The following RAD21L1 variants were observed in gnomAD, a reference collection of about 807,000 sequenced individuals.
The protein encoded by RAD21L1 is RAD21 cohesin complex component like 1.
RAD21L1 carries 47 observed loss-of-function variants against 69.0 expected under a neutral mutation model. The ratio of observed to expected loss-of-function variants is 0.68; its 90% CI spans 0.54 to 0.87. RAD21L1 has a LOEUF of 0.87. Ranked by LOEUF, RAD21L1 falls within the 40% of genes least tolerant of loss-of-function variation. The pLI is 0.00. For missense variants in RAD21L1, 583 were observed against 647.6 expected (o/e 0.90, Z 1.08); for synonymous variants, 177 against 205.8 (o/e 0.86, Z 1.20).
At chr20:1,236,597 G>C (rs1392451206) in intron 5 of RAD21L1, among the ~76,000 whole-genome samples, 1 of 152,142 alleles carries the variant, frequency 6.6e-6, no homozygotes, top group Non-Finnish European at 1.5e-5. Context: ...TTTCTCTATT[G>C]ATTTCCTGTG....
At chr20:1,236,490 A>G (rs2087497274) in intron 5 of RAD21L1, among the ~76,000 whole-genome samples, 1 of 152,212 alleles carries the variant, frequency 6.6e-6, no homozygotes, top group South Asian at 2.1e-4. Flanking sequence ...AACAAATACA[A>G]TTTAGTTGTT....
At chr20:1,226,561 C>T (rs2087264692) in intron 1 of RAD21L1, among the ~76,000 whole-genome samples, 1 of 152,104 alleles carries the variant, frequency 6.6e-6, no homozygotes, top group South Asian at 2.1e-4. Context: ...CCTCTCTCCC[C>T]ACGCCCCTCT....
chr20:1,242,522 C>A, intron 8 of RAD21L1, 97 bp from the exon 9 acceptor site: 2 of 936,494 alleles, frequency 2.1e-6, no homozygotes, highest in Non-Finnish European at 1.7e-6. Context: ...CATGAGCCAC[C>A]GTGCCTGGCT....
intron 7 of RAD21L1, among the ~76,000 whole-genome samples, chr20:1,240,014 G>T (rs1007403955): frequency 6.6e-6 from 1 of 152,090 alleles, no homozygotes; most frequent in African/African-American, 2.4e-5. Context: ...TAGTCAAATT[G>T]TTATCAGTCA....
At chr20:1,251,172 G>A (rs2087822314) in intron 13 of RAD21L1, among the ~76,000 whole-genome samples, 1 of 152,154 alleles carries the variant, frequency 6.6e-6, no homozygotes, top group African/African-American at 2.4e-5. Context: ...GTCTCTAGAT[G>A]TAAGTTGAAA....
chr20:1,226,929 A>G (rs903105208), intron 1 of RAD21L1, among the ~76,000 whole-genome samples: 1 of 152,162 alleles, frequency 6.6e-6, no homozygotes. Flanking sequence ...GATTTTTTTG[A>G]GACGGAGTCG....
At chr20:1,245,622 A>T (rs550381323) in intron 11 of RAD21L1, among the ~76,000 whole-genome samples, 1 of 152,164 alleles carries the variant, frequency 6.6e-6, no homozygotes, top group East Asian at 1.9e-4. Flanking sequence ...AGGGAAGGAG[A>T]TGATAGGGAC....
intron 8 of RAD21L1, 77 bp from the exon 9 acceptor site, chr20:1,242,539 TTTC>T: frequency 1.8e-6 from 2 of 1,126,666 alleles, no homozygotes; most frequent in South Asian, 1.4e-5. Flanking sequence ...GGCTTAGAAA[TTTC>T]TTAAGTATTT....
chr20:1,237,945 G>A (rs936775368), intron 5 of RAD21L1, 99 bp from the exon 6 acceptor site: 21 of 577,276 alleles, frequency 3.6e-5, no homozygotes, highest in Non-Finnish European at 4.5e-5. Context: ...AAAATGAGGT[G>A]TTGGATGACA....
At chr20:1,242,886 TATAAATAAATA>T (rs908015272) in intron 9 of RAD21L1, 41 bp downstream of exon 9, 13 of 1,211,494 alleles carry the variant, frequency 1.1e-5, no homozygotes, top group Admixed American at 8.2e-5. Flanking sequence ...AATGTCTGGT[TATAAATAAATA>T]ATAAATAAAT....
intron 3 of RAD21L1, 30 bp from the exon 4 acceptor site, chr20:1,231,496 T>A (rs2087389964): frequency 9.0e-7 from 1 of 1,107,750 alleles, no homozygotes; most frequent in Non-Finnish European, 1.3e-6. Context: ...GCATTGTTGC[T>A]TATTGAGTAT....
chr20:1,241,334 T>C (rs1305640997), intron 8 of RAD21L1, among the ~76,000 whole-genome samples: 1 of 152,244 alleles, frequency 6.6e-6, no homozygotes, highest in African/African-American at 2.4e-5. Context: ...AGCATTTAAC[T>C]TCAAGCATCA....
intron 6 of RAD21L1, among the ~76,000 whole-genome samples, chr20:1,238,506 T>A (rs1206984902): frequency 6.6e-6 from 1 of 152,102 alleles, no homozygotes; most frequent in Non-Finnish European, 1.5e-5. Context: ...GTTAGTATAT[T>A]CCTTATAAAA....
At chr20:1,248,045 C>CAAAAAAA (rs71327497) in intron 12 of RAD21L1, among the ~76,000 whole-genome samples, 20 of 71,934 alleles carry the variant, frequency 2.8e-4, no homozygotes, top group African/African-American at 5.7e-4. Context: ...CCTTAAATAC[C>CAAAAAAA]AAAAAAAAAA....
At chr20:1,231,443 G>A (rs1456918320) in intron 3 of RAD21L1, 83 bp from the exon 4 acceptor site, 12 of 723,576 alleles carry the variant, frequency 1.7e-5, no homozygotes, top group South Asian at 1.2e-4. Context: ...CAGTAGTCCA[G>A]TAAAAGAATA....
rs1568517221 is a variant in RAD21L1 at position 1,234,140 on chromosome 20, ACT to A, written c.427_428del (p.Leu143Ter). ...TQNQSRPEEITLRENFDNDLI... is the reference protein window; with the variant it reads ...TQNQSRPEEIXLRENFDNDLI... ...GAACCAAAGCAGACCAGAAGAAATC[ACT>A]CTTAGAGAAAATTTTGACAATGATC... On this transcript the variant is annotated frameshift_variant, in exon 5 of 14. Coordinates refer to ENST00000683101, the MANE Select transcript of RAD21L1 (RefSeq NM_001384355.1). LOFTEE classifies it high-confidence loss of function. 1 of 1,546,104 alleles carries A rather than the reference ACT, an allele frequency of 6.5e-7. No individual in the cohort carries two copies. The highest frequency in any genetic ancestry group is 8.8e-7 in the Non-Finnish European group (1 of 1,142,462).
At position 1,255,017 on chromosome 20, in the gene RAD21L1, T is replaced by C. The variant is rs1322582573; in HGVS notation, c.*560T>C. Among the ~76,000 whole-genome samples, 2 of 152,210 alleles carry C rather than the reference T, an allele frequency of 1.3e-5. No individual in the cohort carries two copies. The highest frequency in any genetic ancestry group is 4.8e-5 in the African/African-American group (2 of 41,442). On this transcript the variant is annotated 3_prime_UTR_variant, in exon 14 of 14. Transcript: ENST00000683101. ...TTTTATGGGGTTAATGAAAACATCA[T>C]TATTTCTACACAGACTATTTGGTTG...
intron 8 of RAD21L1, among the ~76,000 whole-genome samples, chr20:1,241,726 C>T (rs1031836147): frequency 6.6e-6 from 1 of 152,186 alleles, no homozygotes; most frequent in Non-Finnish European, 1.5e-5. Flanking sequence ...GCCAACCTCT[C>T]CAGTATCTTG....
intron 8 of RAD21L1, among the ~76,000 whole-genome samples, chr20:1,242,145 G>A (rs1443492740): frequency 6.6e-6 from 1 of 152,140 alleles, no homozygotes; most frequent in Non-Finnish European, 1.5e-5. Flanking sequence ...CTTACAAAAT[G>A]TATCAGCTAT....
Sources: allele counts gnomAD v4.1 joint callset (sites outside exome capture counted in the v4.1 genomes callset), GRCh38; gene constraint gnomAD v4.1.1; transcripts MANE v1.5; gene names NCBI Gene and HGNC (gene_info 2026-07-23, HGNC 2026-07-21).